The following NRG3 variants were observed in gnomAD, a reference collection of about 807,000 sequenced individuals.
NRG3 encodes neuregulin 3.
Under a neutral mutation model 66.9 loss-of-function variants are expected in NRG3, and 31 were observed. The observed-to-expected ratio is 0.46, with a 90% CI of 0.35 to 0.63. The LOEUF is 0.63. NRG3 is among the 20% of genes least tolerant of loss of function. NRG3 has a pLI of 0.00. For synonymous variants in NRG3, 393 were observed against 359.4 expected, an observed-to-expected ratio of 1.09 and a Z score of -1.06; for missense variants, 910 against 878.9, an observed-to-expected ratio of 1.04 and a Z score of -0.45.
chr10:82,537,706 T>G (rs1448726869), intron 2 of NRG3, among the ~76,000 whole-genome samples: 1 of 152,184 alleles, frequency 6.6e-6, no homozygotes, highest in Non-Finnish European at 1.5e-5. Context: ...AATTTTAGAT[T>G]TACAAAACTT....
chr10:82,312,689 C>A (rs2081091704), intron 1 of NRG3, among the ~76,000 whole-genome samples: 1 of 151,554 alleles, frequency 6.6e-6, no homozygotes, highest in African/African-American at 2.4e-5. Context: ...CAAGTAGGGG[C>A]AAAAGATCAA....
intron 2 of NRG3, among the ~76,000 whole-genome samples, chr10:82,421,355 G>A (rs2089055281): frequency 6.6e-6 from 1 of 152,030 alleles, no homozygotes; most frequent in African/African-American, 2.4e-5. Context: ...GAGATAATGA[G>A]TGCTATGTTG....
intron 4 of NRG3, among the ~76,000 whole-genome samples, chr10:82,921,683 T>C (rs1846435023): frequency 6.6e-6 from 1 of 152,174 alleles, no homozygotes; most frequent in Non-Finnish European, 1.5e-5. Flanking sequence ...TTGAAAATAA[T>C]TCTGTGCTTC....
At chr10:82,766,968 C>T (rs1462861195) in intron 3 of NRG3, among the ~76,000 whole-genome samples, 2 of 149,692 alleles carry the variant, frequency 1.3e-5, no homozygotes, top group African/African-American at 4.9e-5. Context: ...GAAGACTAAT[C>T]ACCTTAATAT....
intron 1 of NRG3, among the ~76,000 whole-genome samples, chr10:82,126,049 T>C (rs373551417): frequency 1.3e-5 from 2 of 152,068 alleles, no homozygotes; most frequent in Non-Finnish European, 2.9e-5. Context: ...AGGGAGCAAC[T>C]ACTGATAATT....
intron 1 of NRG3, among the ~76,000 whole-genome samples, chr10:82,190,733 T>A (rs896162151): frequency 6.6e-6 from 1 of 152,158 alleles, no homozygotes; most frequent in African/African-American, 2.4e-5. Flanking sequence ...GAGAATGCCT[T>A]CAGCAAGAGC....
intron 3 of NRG3, among the ~76,000 whole-genome samples, chr10:82,804,247 A>ATATGC (rs2061179850): frequency 6.6e-6 from 1 of 152,230 alleles, no homozygotes; most frequent in Admixed American, 6.5e-5. Flanking sequence ...AGAAAAAATT[A>ATATGC]TATGCTGACA....
At chr10:81,939,979 A>C (rs371731001) in intron 1 of NRG3, among the ~76,000 whole-genome samples, 1 of 151,918 alleles carries the variant, frequency 6.6e-6, no homozygotes, top group Admixed American at 6.6e-5. Context: ...TTTTCATTGT[A>C]ATTTGTCTCA....
chr10:82,452,736 A>C (rs1048141602), intron 2 of NRG3, among the ~76,000 whole-genome samples: 3 of 151,974 alleles, frequency 2.0e-5, no homozygotes, highest in African/African-American at 7.3e-5. Context: ...AGATATAGTC[A>C]TGTGTTGATT....
chr10:82,336,232 A>G (rs973133233), intron 1 of NRG3, among the ~76,000 whole-genome samples: 1 of 152,102 alleles, frequency 6.6e-6, no homozygotes, highest in Non-Finnish European at 1.5e-5. Context: ...AGTAGAAGAG[A>G]AAAGGAGATA....
intron 3 of NRG3, among the ~76,000 whole-genome samples, chr10:82,800,487 C>G (rs1489648854): frequency 6.6e-6 from 1 of 152,096 alleles, no homozygotes; most frequent in East Asian, 1.9e-4. Context: ...AAATATTGAA[C>G]TCTGTTTTAC....
intron 1 of NRG3, among the ~76,000 whole-genome samples, chr10:82,327,228 C>A (rs2081919336): frequency 6.6e-6 from 1 of 152,122 alleles, no homozygotes; most frequent in Admixed American, 6.6e-5. Flanking sequence ...GGACTAGATG[C>A]CCAGTCCATG....
At chr10:82,229,158 C>A (rs1040390531) in intron 1 of NRG3, 3 of 152,134 alleles carry the variant, frequency 2.0e-5, no homozygotes, top group African/African-American at 7.2e-5. Context: ...GGTAAATTAC[C>A]AGCATATAGT....
chr10:82,928,048 A>T (rs1487173096), intron 4 of NRG3, among the ~76,000 whole-genome samples: 1 of 152,118 alleles, frequency 6.6e-6, no homozygotes, highest in Non-Finnish European at 1.5e-5. Context: ...AACTGGTATG[A>T]GATTGTATCT....
intron 1 of NRG3, among the ~76,000 whole-genome samples, chr10:82,026,281 G>A (rs2062301695): frequency 6.6e-6 from 1 of 151,806 alleles, no homozygotes; most frequent in South Asian, 2.1e-4. Context: ...TGTCATTACA[G>A]AACCATTATA....
intron 2 of NRG3, among the ~76,000 whole-genome samples, chr10:82,421,694 G>T (rs1391517249): frequency 6.6e-6 from 1 of 151,938 alleles, no homozygotes; most frequent in Non-Finnish European, 1.5e-5. Flanking sequence ...ATGGTATTAA[G>T]AACTGGGCTA....
intron 2 of NRG3, among the ~76,000 whole-genome samples, chr10:82,506,234 C>T (rs1367097305): frequency 6.6e-6 from 1 of 152,142 alleles, no homozygotes; most frequent in East Asian, 1.9e-4. Context: ...AGCCATAGAG[C>T]GAGACTCTGT....
intron 2 of NRG3, among the ~76,000 whole-genome samples, chr10:82,539,961 A>G (rs1051200097): frequency 6.6e-5 from 10 of 152,112 alleles, no homozygotes; most frequent in Admixed American, 6.6e-4. Context: ...TATTAATATA[A>G]TCAACTACTT....
intron 2 of NRG3, among the ~76,000 whole-genome samples, chr10:82,568,207 G>T (rs1318420692): frequency 6.6e-6 from 1 of 151,844 alleles, no homozygotes; most frequent in Non-Finnish European, 1.5e-5. Context: ...AAGGAATAAA[G>T]AGGCAAAGTC....
Sources: allele counts gnomAD v4.1 joint callset (sites outside exome capture counted in the v4.1 genomes callset), GRCh38; gene constraint gnomAD v4.1.1; transcripts MANE v1.5; gene names NCBI Gene and HGNC (gene_info 2026-07-23, HGNC 2026-07-21).